Variants in BCKDHB observed in about 807,000 individuals in gnomAD.
The protein encoded by BCKDHB is branched chain keto acid dehydrogenase E1 subunit beta, also known as 2-oxoisovalerate dehydrogenase subunit beta, mitochondrial.
BCKDHB carries 41 observed loss-of-function variants against 48.5 expected under a neutral mutation model. That is an observed-to-expected ratio of 0.85 (90% CI 0.66 to 1.10). BCKDHB has a LOEUF of 1.10. BCKDHB is among the 50% of genes least tolerant of loss of function. The probability of loss-of-function intolerance (pLI) is 0.00; values close to 1 mark genes in which losing one functional copy is unlikely to be tolerated. For missense variants in BCKDHB, 496 were observed against 494.2 expected (o/e 1.00, Z -0.03); for synonymous variants, 201 against 174.8 (o/e 1.15, Z -1.18).
the BCKDHB span, among the ~76,000 whole-genome samples, chr6:80,366,486 G>T: frequency 6.6e-6 from 1 of 152,136 alleles, no homozygotes; most frequent in Non-Finnish European, 1.5e-5. Flanking sequence ...AAGGATTAAA[G>T]AATCCAATTT....
intron 9 of BCKDHB, among the ~76,000 whole-genome samples, chr6:80,312,036 A>AT (rs1768191255): frequency 6.6e-6 from 1 of 152,184 alleles, no homozygotes; most frequent in East Asian, 1.9e-4. Flanking sequence ...CATTTTAATG[A>AT]TATCAGTTCT....
intron 3 of BCKDHB, among the ~76,000 whole-genome samples, chr6:80,137,571 T>C (rs1582211243): frequency 6.6e-6 from 1 of 152,184 alleles, no homozygotes; most frequent in Non-Finnish European, 1.5e-5. Context: ...GAAAATAAGA[T>C]ATTTAATATA....
chr6:80,426,618 A>G, the BCKDHB span, among the ~76,000 whole-genome samples: 4 of 152,070 alleles, frequency 2.6e-5, no homozygotes, highest in African/African-American at 9.6e-5. Context: ...ATTTCTAAAG[A>G]TGTGGGGATT....
chr6:80,166,697 T>C (rs1772588718), intron 3 of BCKDHB, among the ~76,000 whole-genome samples: 1 of 152,068 alleles, frequency 6.6e-6, no homozygotes, highest in Non-Finnish European at 1.5e-5. Context: ...TTTTGAATGA[T>C]CTTTTTATTG....
chr6:80,276,710 A>G (rs1290394741), intron 9 of BCKDHB, among the ~76,000 whole-genome samples: 2 of 151,434 alleles, frequency 1.3e-5, no homozygotes, highest in East Asian at 1.9e-4. Flanking sequence ...TTATTTTACC[A>G]TTTTACAGAA....
the BCKDHB span, among the ~76,000 whole-genome samples, chr6:80,354,114 A>C: frequency 6.6e-6 from 1 of 152,286 alleles, no homozygotes; most frequent in Admixed American, 6.5e-5. Context: ...GTTTGCAAAA[A>C]TGTTCTCTCA....
At chr6:80,177,224 T>TA (rs1773200340) in intron 6 of BCKDHB, among the ~76,000 whole-genome samples, 1 of 15,810 alleles carries the variant, frequency 6.3e-5, no homozygotes, top group Non-Finnish European at 1.1e-4. Flanking sequence ...AGACCTTGTC[T>TA]CAAAAAAAAA....
chr6:80,134,514 G>A (rs1264122352), intron 3 of BCKDHB, among the ~76,000 whole-genome samples: 1 of 152,080 alleles, frequency 6.6e-6, no homozygotes, highest in South Asian at 2.1e-4. Flanking sequence ...GTAAATTGAA[G>A]GGAAAGGACT....
At chr6:80,252,404 A>G (rs545428345) in intron 8 of BCKDHB, among the ~76,000 whole-genome samples, 1 of 152,310 alleles carries the variant, frequency 6.6e-6, no homozygotes, top group Non-Finnish European at 1.5e-5. Context: ...CTTGAACCAA[A>G]CATATTTATA....
At chr6:80,351,645 CTTTTTTTTT>C in the BCKDHB span, among the ~76,000 whole-genome samples, 151 of 122,078 alleles carry the variant, frequency 1.2e-3, 1 homozygote, top group African/African-American at 4.5e-3. Context: ...TTTTTTTTTT[CTTTTTTTTT>C]TTTTTTGAGA....
At chr6:80,193,307 T>G (rs1485918134) in intron 6 of BCKDHB, among the ~76,000 whole-genome samples, 2 of 152,238 alleles carry the variant, frequency 1.3e-5, no homozygotes, top group Admixed American at 6.5e-5. Context: ...CAGGTGATTT[T>G]TTTTTAATTT....
chr6:80,384,654 G>A, the BCKDHB span, among the ~76,000 whole-genome samples: 2 of 152,218 alleles, frequency 1.3e-5, no homozygotes, highest in South Asian at 4.2e-4. Context: ...GCCGTGCCTG[G>A]CCCAGTTCTT....
At chr6:80,248,902 ATGTG>A (rs3077568) in intron 8 of BCKDHB, among the ~76,000 whole-genome samples, 3,918 of 145,822 alleles carry the variant, frequency 0.027, 140 homozygotes, top group African/African-American at 0.084. Flanking sequence ...GTGTGTGTGT[ATGTG>A]TGTGTGTGTG....
intron 8 of BCKDHB, among the ~76,000 whole-genome samples, chr6:80,225,668 A>G (rs934340112): frequency 6.6e-6 from 1 of 152,186 alleles, no homozygotes; most frequent in African/African-American, 2.4e-5. Context: ...TCAATTTCAC[A>G]AAAATTCCAT....
At chr6:80,429,018 G>A in the BCKDHB span, among the ~76,000 whole-genome samples, 3 of 152,192 alleles carry the variant, frequency 2.0e-5, no homozygotes, top group Non-Finnish European at 4.4e-5. Flanking sequence ...TTACATTTAA[G>A]TAGTTAATCC....
chr6:80,161,863 C>T (rs549511659), intron 3 of BCKDHB, among the ~76,000 whole-genome samples: 6 of 152,280 alleles, frequency 3.9e-5, no homozygotes, highest in East Asian at 1.9e-4. Flanking sequence ...GCTTCTAGTA[C>T]CTCCATTCCA....
intron 3 of BCKDHB, among the ~76,000 whole-genome samples, chr6:80,136,699 G>T (rs903498138): frequency 6.6e-6 from 1 of 152,076 alleles, no homozygotes; most frequent in East Asian, 1.9e-4. Flanking sequence ...TGCAAATCAT[G>T]TATCAGATAA....
chr6:80,183,500 C>G (rs567150179), intron 6 of BCKDHB, among the ~76,000 whole-genome samples: 1 of 152,154 alleles, frequency 6.6e-6, no homozygotes, highest in East Asian at 1.9e-4. Flanking sequence ...GGAGATTTTC[C>G]ACATACCCAC....
chr6:80,275,562 G>A (rs114955795), intron 9 of BCKDHB, among the ~76,000 whole-genome samples: 2,086 of 152,046 alleles, frequency 0.014, 35 homozygotes, highest in African/African-American at 0.048. Context: ...CAAATAGAAA[G>A]TATAGAAAAT....
Sources: gnomAD v4.1 joint callset for allele counts (sites outside exome capture counted in the v4.1 genomes callset) on GRCh38, gnomAD v4.1.1 for gene constraint, MANE v1.5 for transcripts, NCBI Gene and HGNC (gene_info 2026-07-23, HGNC 2026-07-21) for gene names.